The following HCN1 variants were observed in gnomAD, a reference collection of about 807,000 sequenced individuals.
HCN1 encodes potassium/sodium hyperpolarization-activated cyclic nucleotide-gated channel 1.
In HCN1, 13 loss-of-function variants were observed where a neutral mutation model predicts 78.9. That is an observed-to-expected ratio of 0.16 (90% CI 0.11 to 0.26). The LOEUF (loss-of-function observed/expected upper bound fraction) is 0.26, where lower values mean the gene tolerates loss of function less well. Ranked by LOEUF, HCN1 falls within the 10% of genes least tolerant of loss-of-function variation. The pLI is 1.00. For missense variants in HCN1, 810 were observed against 1,154.3 expected (o/e 0.70, Z 4.32); for synonymous variants, 552 against 455.5 (o/e 1.21, Z -2.70).
intron 6 of HCN1, among the ~76,000 whole-genome samples, chr5:45,297,742 A>G (rs778055473): frequency 5.9e-5 from 9 of 152,012 alleles, no homozygotes; most frequent in Non-Finnish European, 7.4e-5. Flanking sequence ...AATCCAATAC[A>G]TTTTCACATT....
intron 5 of HCN1, among the ~76,000 whole-genome samples, chr5:45,342,489 C>T (rs890549793): frequency 5.3e-5 from 8 of 151,860 alleles, no homozygotes; most frequent in East Asian, 1.9e-4. Flanking sequence ...CCACCTGCCT[C>T]GGCCACCCAA....
intron 5 of HCN1, among the ~76,000 whole-genome samples, chr5:45,335,097 T>A (rs1273722707): frequency 6.6e-6 from 1 of 152,026 alleles, no homozygotes; most frequent in African/African-American, 2.4e-5. Context: ...GGACACATGA[T>A]CTGTACCTAT....
intron 2 of HCN1, among the ~76,000 whole-genome samples, chr5:45,487,540 C>T (rs1325663177): frequency 1.3e-5 from 2 of 151,966 alleles, no homozygotes; most frequent in Non-Finnish European, 1.5e-5. Flanking sequence ...AAGGCATATA[C>T]TGTCAGAGTT....
chr5:45,469,999 G>A (rs1300705873), intron 2 of HCN1, among the ~76,000 whole-genome samples: 1 of 151,918 alleles, frequency 6.6e-6, no homozygotes, highest in Non-Finnish European at 1.5e-5. Context: ...ATGCCAACTC[G>A]CTTATTGCAC....
intron 2 of HCN1, among the ~76,000 whole-genome samples, chr5:45,583,951 A>G (rs1744142841): frequency 1.3e-5 from 2 of 152,176 alleles, no homozygotes; most frequent in Admixed American, 1.3e-4. Context: ...ACTTCCAACT[A>G]TGTGGTCAAT....
intron 4 of HCN1, among the ~76,000 whole-genome samples, chr5:45,357,116 A>G (rs2111987331): frequency 6.6e-6 from 1 of 152,160 alleles, no homozygotes; most frequent in East Asian, 1.9e-4. Flanking sequence ...TCTCTTTACA[A>G]CATCCTTGGT....
chr5:45,419,792 T>A (rs1740191131), intron 3 of HCN1, among the ~76,000 whole-genome samples: 1 of 152,210 alleles, frequency 6.6e-6, no homozygotes, highest in Non-Finnish European at 1.5e-5. Flanking sequence ...TACTTTCTTT[T>A]CTGGGTTTTA....
chr5:45,506,307 A>G (rs896622831), intron 2 of HCN1, among the ~76,000 whole-genome samples: 1 of 152,128 alleles, frequency 6.6e-6, no homozygotes, highest in Non-Finnish European at 1.5e-5. Flanking sequence ...TCTATGAACA[A>G]CCACATTTTC....
intron 3 of HCN1, among the ~76,000 whole-genome samples, chr5:45,407,234 A>G (rs1739943650): frequency 6.6e-6 from 1 of 152,134 alleles, no homozygotes; most frequent in African/African-American, 2.4e-5. Context: ...CCTATCTCCT[A>G]GTGATCCTGT....
chr5:45,311,974 G>GA (rs1157862657), intron 5 of HCN1, among the ~76,000 whole-genome samples: 1 of 152,136 alleles, frequency 6.6e-6, no homozygotes, highest in Non-Finnish European at 1.5e-5. Context: ...TTTCAAGTAA[G>GA]AAAAAATCTT....
At chr5:45,552,162 T>C (rs927068088) in intron 2 of HCN1, among the ~76,000 whole-genome samples, 3 of 151,932 alleles carry the variant, frequency 2.0e-5, no homozygotes, top group African/African-American at 7.2e-5. Context: ...GGTCTATAAA[T>C]AACATCTTTG....
intron 4 of HCN1, among the ~76,000 whole-genome samples, chr5:45,376,236 C>CTATATATATAGAATATAGAA (rs1321997607): frequency 7.2e-5 from 2 of 27,952 alleles, no homozygotes; most frequent in African/African-American, 2.7e-4. Context: ...AATATATATT[C>CTATATATATAGAATATAGAA]TATATATTCT....
chr5:45,282,740 C>T (rs918069258), intron 6 of HCN1, among the ~76,000 whole-genome samples: 5 of 152,138 alleles, frequency 3.3e-5, no homozygotes, highest in Admixed American at 2.0e-4. Flanking sequence ...AAATATACCC[C>T]GTAGGACTAA....
intron 6 of HCN1, among the ~76,000 whole-genome samples, chr5:45,290,995 T>A (rs139246126): frequency 2.6e-5 from 4 of 152,186 alleles, no homozygotes; most frequent in African/African-American, 9.6e-5. Context: ...ATTGTGTCCA[T>A]CAGAAAGCTT....
intron 6 of HCN1, among the ~76,000 whole-genome samples, chr5:45,282,127 AATG>A (rs1489353515): frequency 2.0e-5 from 3 of 152,196 alleles, no homozygotes; most frequent in Non-Finnish European, 4.4e-5. Context: ...TCCACCATAT[AATG>A]ATATGTATAT....
rs181362456 is a variant in HCN1, at chr5:45,505,670, A to G, written c.850-43663T>C. Among the ~76,000 whole-genome samples, 138 of 152,314 alleles carry G rather than the reference A, an allele frequency of 9.1e-4. No individual in the cohort carries two copies. The Middle Eastern group carries it at 0.014, about 15-fold the overall frequency. On this transcript the variant is annotated intron_variant, in intron 2 of 7. Coordinates refer to ENST00000303230, the MANE Select transcript of HCN1 (RefSeq NM_021072.4). ...AAGGTTTTCATTAAAATCTGGATGC[A>G]TATATATTTAGTTAAAAAATGAAAA...
At chr5:45,322,709 T>A (rs1387754817) in intron 5 of HCN1, among the ~76,000 whole-genome samples, 1 of 151,878 alleles carries the variant, frequency 6.6e-6, no homozygotes, top group Admixed American at 6.6e-5. Context: ...TTTTCACTTG[T>A]GGCATCCTGT....
intron 4 of HCN1, among the ~76,000 whole-genome samples, chr5:45,380,893 A>C (rs1747796668): frequency 6.6e-6 from 1 of 152,154 alleles, no homozygotes; most frequent in South Asian, 2.1e-4. Flanking sequence ...TAAAACTAGA[A>C]AATATTAAAT....
intron 6 of HCN1, among the ~76,000 whole-genome samples, chr5:45,299,973 A>C (rs1745577473): frequency 6.6e-6 from 1 of 152,008 alleles, no homozygotes; most frequent in Non-Finnish European, 1.5e-5. Context: ...AAATGATCTT[A>C]TGGTTTAACA....
Sources: allele counts gnomAD v4.1 joint callset (sites outside exome capture counted in the v4.1 genomes callset), GRCh38; gene constraint gnomAD v4.1.1; transcripts MANE v1.5; gene names NCBI Gene and HGNC (gene_info 2026-07-23, HGNC 2026-07-21).